The following CYSLTR2 variants were observed in gnomAD, a reference collection of about 807,000 sequenced individuals.
CYSLTR2 encodes the protein cysteinyl leukotriene receptor 2.
For missense variants in CYSLTR2, 398 were observed against 411.9 expected, an observed-to-expected ratio of 0.97 and a Z score of 0.29; for synonymous variants, 179 against 160.8, an observed-to-expected ratio of 1.11 and a Z score of -0.86.
rs1183648509 is a variant in CYSLTR2, at chr13:48,710,618, T to G, written c.*2760T>G. On this transcript the variant is annotated 3_prime_UTR_variant, in exon 5 of 5. Transcript: ENST00000682523. ...TGCTAAGATCTACAGTAAGAACAAATCCATCTGTAAAATTGTGAAGAAGGC... is the reference window on the plus strand; with the variant it reads ...TGCTAAGATCTACAGTAAGAACAAAGCCATCTGTAAAATTGTGAAGAAGGC... 6.6e-6 allele frequency: 1 copy of G among 152,144 alleles called. No homozygotes were observed. Among genetic ancestry groups the G allele is most frequent in the African/African-American group, 2.4e-5 (1 of 41,430 alleles). The allele number at this position is 152,144 out of a possible 1,614,324, so 9.4% of individuals were successfully genotyped here.
At chr13:48,685,036 C>T (rs977005530) in intron 1 of CYSLTR2, among the ~76,000 whole-genome samples, 5 of 152,200 alleles carry the variant, frequency 3.3e-5, no homozygotes, top group Non-Finnish European at 5.9e-5. Flanking sequence ...TGTATTAGTC[C>T]ATTCTCACAC....
intron 1 of CYSLTR2, among the ~76,000 whole-genome samples, chr13:48,660,118 G>A (rs1473110499): frequency 6.6e-6 from 1 of 152,134 alleles, no homozygotes; most frequent in Non-Finnish European, 1.5e-5. Context: ...TGCAAGAGAA[G>A]CTAGCTTTTG....
intron 3 of CYSLTR2, among the ~76,000 whole-genome samples, chr13:48,693,958 C>T (rs9595967): frequency 7.2e-5 from 11 of 152,024 alleles, no homozygotes; most frequent in Non-Finnish European, 4.4e-5. Flanking sequence ...CTTGGTGAAA[C>T]TGTGCCCACT....
At chr13:48,695,676 C>T (rs1022095618) in intron 3 of CYSLTR2, among the ~76,000 whole-genome samples, 2 of 151,946 alleles carry the variant, frequency 1.3e-5, no homozygotes, top group Non-Finnish European at 2.9e-5. Flanking sequence ...TGGGATCACT[C>T]TGTATGATTA....
At chr13:48,688,201 G>C (rs1953945583) in intron 1 of CYSLTR2, among the ~76,000 whole-genome samples, 1 of 152,172 alleles carries the variant, frequency 6.6e-6, no homozygotes, top group African/African-American at 2.4e-5. Context: ...TCCTGCCTCA[G>C]CTTCCCAAGT....
chr13:48,694,111 A>G (rs9568082), intron 3 of CYSLTR2, among the ~76,000 whole-genome samples: 31,498 of 152,126 alleles, frequency 0.21, 4,042 homozygotes, highest in East Asian at 0.34. Context: ...TCTGACCTTG[A>G]TTCTCCGATC....
At chr13:48,703,045 G>T (rs997418106) in intron 4 of CYSLTR2, among the ~76,000 whole-genome samples, 1 of 152,002 alleles carries the variant, frequency 6.6e-6, no homozygotes, top group Admixed American at 6.6e-5. Context: ...AATTTTTATT[G>T]AATATAAATA....
intron 1 of CYSLTR2, among the ~76,000 whole-genome samples, chr13:48,671,827 T>C (rs1953438885): frequency 6.6e-6 from 1 of 152,138 alleles, no homozygotes; most frequent in African/African-American, 2.4e-5. Context: ...TTTTTCTATT[T>C]TTTGGAACAG....
In CYSLTR2 at chr13:48,707,509, T is replaced by G. The variant is rs1174261898; in HGVS notation, c.692T>G (p.Val231Gly). The G allele has an allele frequency of 2.5e-6, 4 of 1,611,516 alleles. No individual in the cohort carries two copies. The African/African-American group carries it at 5.3e-5, about 22-fold the overall frequency. Residue 231 changes from valine (V) to glycine (G), a missense_variant, in exon 5 of 5, where the codon GTG becomes GGG. Val to Gly is a moderately radical substitution (Grantham distance 109). Coordinates refer to ENST00000682523, the MANE Select transcript of CYSLTR2 (RefSeq NM_001308476.3). ...CTGATCATTCGGGTTCTGTTAAAAG[T>G]GGAGGTCCCAGAATCGGGGCTGCGG... ...YLLIIRVLLK[V>G]EVPESGLRVS...
chr13:48,654,403 T>A (rs1015478689), intron 1 of CYSLTR2, among the ~76,000 whole-genome samples: 1 of 152,048 alleles, frequency 6.6e-6, no homozygotes, highest in African/African-American at 2.4e-5. Flanking sequence ...TCCATATCAG[T>A]CTATGGTTTT....
intron 1 of CYSLTR2, among the ~76,000 whole-genome samples, chr13:48,654,531 G>A (rs985597278): frequency 6.6e-6 from 1 of 151,934 alleles, no homozygotes; most frequent in Non-Finnish European, 1.5e-5. Context: ...CATAGTTTGG[G>A]TCCTTCTATT....
intron 3 of CYSLTR2, among the ~76,000 whole-genome samples, chr13:48,695,073 T>C: frequency 1.1e-5 from 1 of 91,412 alleles, no homozygotes; most frequent in African/African-American, 6.2e-5. Context: ...CTGGCATTTT[T>C]TTTTTTTTTT....
In CYSLTR2 at chr13:48,679,747, T is replaced by C. The variant is rs377348121; in HGVS notation, c.-265-11465T>C. Reference sequence around the variant, plus strand: ...ATGAAGGAGCATCTGTGGCTTGAGGTTGGGGGAGCTGATAAAGGAAATGCC... The same window carrying C: ...ATGAAGGAGCATCTGTGGCTTGAGGCTGGGGGAGCTGATAAAGGAAATGCC... On this transcript the variant is annotated intron_variant, in intron 1 of 4. Coordinates refer to ENST00000682523, the MANE Select transcript of CYSLTR2 (RefSeq NM_001308476.3). 4.9e-4 allele frequency among the ~76,000 whole-genome samples: 75 copies of C among 152,228 alleles called. 1 individual carries two copies. The highest frequency in any genetic ancestry group is 1.8e-3 in the African/African-American group (73 of 41,536).
chr13:48,672,367 T>A (rs922067827), intron 1 of CYSLTR2, among the ~76,000 whole-genome samples: 2 of 152,126 alleles, frequency 1.3e-5, no homozygotes, highest in African/African-American at 4.8e-5. Context: ...ATAATTGTGA[T>A]GTTAGGATTT....
chr13:48,679,820 G>A (rs1447657686), intron 1 of CYSLTR2, among the ~76,000 whole-genome samples: 1 of 152,150 alleles, frequency 6.6e-6, no homozygotes, highest in Non-Finnish European at 1.5e-5. Context: ...ATGGCTTGAA[G>A]TGAGGAGCCA....
At chr13:48,695,851 T>C (rs1230624949) in intron 3 of CYSLTR2, among the ~76,000 whole-genome samples, 1 of 152,366 alleles carries the variant, frequency 6.6e-6, no homozygotes, top group African/African-American at 2.4e-5. Context: ...CTATTACAAA[T>C]AAAACTGCAG....
chr13:48,656,357 T>G (rs1057362457), intron 1 of CYSLTR2, among the ~76,000 whole-genome samples: 1 of 152,244 alleles, frequency 6.6e-6, no homozygotes, highest in East Asian at 1.9e-4. Context: ...TAGCTAGTAC[T>G]GACTGAACTC....
chr13:48,660,480 G>A (rs757571139), intron 1 of CYSLTR2, among the ~76,000 whole-genome samples: 10 of 152,128 alleles, frequency 6.6e-5, no homozygotes, highest in Non-Finnish European at 1.5e-4. Context: ...GTGGGTGACC[G>A]GGTAGAGGAA....
intron 1 of CYSLTR2, among the ~76,000 whole-genome samples, chr13:48,688,848 G>A (rs1311327726): frequency 6.6e-6 from 1 of 152,154 alleles, no homozygotes; most frequent in Non-Finnish European, 1.5e-5. Flanking sequence ...CTTCCACAAT[G>A]GCTAAACTAA....
Sources: gnomAD v4.1 joint callset for allele counts (sites outside exome capture counted in the v4.1 genomes callset) on GRCh38, gnomAD v4.1.1 for gene constraint, MANE v1.5 for transcripts, NCBI Gene and HGNC (gene_info 2026-07-23, HGNC 2026-07-21) for gene names.